XKR4: variants seen among roughly 807,000 people sequenced by gnomAD.
XKR4 encodes the protein XK-related protein 4.
Under a neutral mutation model 53.9 loss-of-function variants are expected in XKR4, and 12 were observed. That is an observed-to-expected ratio of 0.22 (90% CI 0.14 to 0.36). XKR4 has a LOEUF of 0.36. Among genes scored for constraint, XKR4 ranks in the 10% least tolerant of loss-of-function variants. The pLI is 1.00. For missense variants in XKR4, 799 were observed against 859.5 expected (o/e 0.93, Z 0.88); for synonymous variants, 354 against 362.4 (o/e 0.98, Z 0.26).
chr8:55,141,755 A>G (rs1816707065), intron 1 of XKR4, among the ~76,000 whole-genome samples: 1 of 151,388 alleles, frequency 6.6e-6, no homozygotes, highest in Non-Finnish European at 1.5e-5. Context: ...AGTCCCTAAA[A>G]CAGCTTGACA....
At chr8:55,323,495 G>GATTTGAT (rs1803247839) in intron 1 of XKR4, among the ~76,000 whole-genome samples, 1 of 152,166 alleles carries the variant, frequency 6.6e-6, no homozygotes, top group African/African-American at 2.4e-5. Flanking sequence ...TGAGATTTGA[G>GATTTGAT]ATTTAGCCAT....
intron 1 of XKR4, among the ~76,000 whole-genome samples, chr8:55,302,110 A>C (rs1179680491): frequency 3.3e-5 from 5 of 151,998 alleles, no homozygotes; most frequent in Admixed American, 2.6e-4. Context: ...GTTTTCTTCT[A>C]GGGTTTTTAT....
chr8:55,379,279 G>C (rs2622553), intron 2 of XKR4, among the ~76,000 whole-genome samples: 80,773 of 151,944 alleles, frequency 0.53, 22,010 homozygotes, highest in Middle Eastern at 0.6. Context: ...CTCATCAATT[G>C]TGCATCAAAT....
In XKR4 at chr8:55,181,462, T is replaced by A. The variant is rs566499461; in HGVS notation, c.806+78168T>A. On this transcript the variant is annotated intron_variant, in intron 1 of 2. Coordinates refer to ENST00000327381, the MANE Select transcript of XKR4 (RefSeq NM_052898.2). The stretch of plus-strand genomic sequence containing the variant: ...TTTACTGTCCTCCTTCCTTTCATCC[T>A]TCCAGAAACATGTATTATTTTTATT... Among the ~76,000 whole-genome samples the A allele has an allele frequency of 5.3e-5, 8 of 152,322 alleles. No homozygotes were observed. The East Asian group carries it at 1.5e-3, about 29-fold the overall frequency.
chr8:55,450,904 T>G, intron 2 of XKR4: 1 of 478,704 alleles, frequency 2.1e-6, no homozygotes. Context: ...TGCAGCAGCT[T>G]GTGGATCTGA....
rs181401591 is a variant in XKR4, at chr8:55,236,303, G to C, written c.807-121375G>C. Among the ~76,000 whole-genome samples the C allele has an allele frequency of 3.9e-5, 6 of 152,302 alleles. No homozygotes were observed. The East Asian group carries it at 1.2e-3, about 29-fold the overall frequency. On this transcript the variant is annotated intron_variant, in intron 1 of 2. Transcript: ENST00000327381. Reference sequence around the variant, plus strand: ...TGGTATTAAAGGGAGGCCTCATGAGGCTGCATACAGTCCAGCCCTGGCCTG... The same window carrying C: ...TGGTATTAAAGGGAGGCCTCATGAGCCTGCATACAGTCCAGCCCTGGCCTG...
At chr8:55,473,207 T>A (rs567804064) in intron 2 of XKR4, among the ~76,000 whole-genome samples, 1 of 152,224 alleles carries the variant, frequency 6.6e-6, no homozygotes, top group South Asian at 2.1e-4. Context: ...AAAAATACCT[T>A]CTGTATAGTT....
At chr8:55,383,913 G>A (rs1804271005) in intron 2 of XKR4, among the ~76,000 whole-genome samples, 2 of 151,866 alleles carry the variant, frequency 1.3e-5, no homozygotes, top group African/African-American at 4.8e-5. Context: ...TACACAATAC[G>A]GCAAATCATG....
intron 1 of XKR4, among the ~76,000 whole-genome samples, chr8:55,257,144 A>G (rs1053714911): frequency 2.6e-5 from 4 of 152,198 alleles, no homozygotes; most frequent in African/African-American, 7.2e-5. Context: ...CATTCAGACC[A>G]TGCACACAGC....
intron 1 of XKR4, among the ~76,000 whole-genome samples, chr8:55,250,148 G>A (rs946243745): frequency 1.3e-5 from 2 of 152,186 alleles, no homozygotes; most frequent in Non-Finnish European, 2.9e-5. Context: ...TTAGGTTCCT[G>A]ATGGTTTCAC....
rs1042345873 is a variant in XKR4 at position 55,531,638 on chromosome 8, A to G, written c.*7411A>G. 1.1e-4 allele frequency: 17 copies of G among 152,214 alleles called. No individual in the cohort carries two copies. Among genetic ancestry groups the G allele is most frequent in the Admixed American group, 1.1e-3 (17 of 15,282 alleles). The allele number at this position is 152,214 out of a possible 1,614,324, so 9.4% of individuals were successfully genotyped here. ...AAAAATTGAAATACTCTCTTGGTGC[A>G]TAGTATTTGATTGAAAACAATCATT... On this transcript the variant is annotated 3_prime_UTR_variant, in exon 3 of 3. Transcript: ENST00000327381.
chr8:55,244,897 A>AT (rs148385384), intron 1 of XKR4, among the ~76,000 whole-genome samples: 1,733 of 110,782 alleles, frequency 0.016, 56 homozygotes, highest in African/African-American at 0.053. Context: ...CTTTGCCAAC[A>AT]TTTTTTTTTT....
chr8:55,284,156 G>A (rs1469168850), intron 1 of XKR4, among the ~76,000 whole-genome samples: 1 of 152,072 alleles, frequency 6.6e-6, no homozygotes, highest in African/African-American at 2.4e-5. Flanking sequence ...CAAGGTGTTA[G>A]GTTTCTTTGT....
At chr8:55,235,035 T>C (rs1818100017) in intron 1 of XKR4, among the ~76,000 whole-genome samples, 1 of 152,204 alleles carries the variant, frequency 6.6e-6, no homozygotes, top group Non-Finnish European at 1.5e-5. Flanking sequence ...CTTTCACAGC[T>C]CAGGAGGCCA....
chr8:55,333,108 G>C (rs189992554), intron 1 of XKR4, among the ~76,000 whole-genome samples: 1 of 152,034 alleles, frequency 6.6e-6, no homozygotes, highest in African/African-American at 2.4e-5. Flanking sequence ...TAATTTTGTT[G>C]ATACATTGTT....
chr8:55,217,299 C>T (rs1817816835), intron 1 of XKR4, among the ~76,000 whole-genome samples: 1 of 149,982 alleles, frequency 6.7e-6, no homozygotes, highest in African/African-American at 2.4e-5. Flanking sequence ...AAATAAATGG[C>T]TGGTAAACAT....
intron 1 of XKR4, among the ~76,000 whole-genome samples, chr8:55,194,990 A>T (rs1351903237): frequency 6.6e-6 from 1 of 152,236 alleles, no homozygotes; most frequent in Non-Finnish European, 1.5e-5. Flanking sequence ...TAATTTGGAA[A>T]GAGTACAGTG....
chr8:55,410,415 CCTCA>C (rs969692249), intron 2 of XKR4, among the ~76,000 whole-genome samples: 11 of 152,176 alleles, frequency 7.2e-5, no homozygotes, highest in African/African-American at 2.7e-4. Flanking sequence ...CCTGCAGGAG[CCTCA>C]CACATGTACA....
intron 2 of XKR4, among the ~76,000 whole-genome samples, chr8:55,515,083 C>T (rs1201496589): frequency 3.9e-5 from 6 of 152,208 alleles, no homozygotes; most frequent in Admixed American, 1.3e-4. Flanking sequence ...CCAACAACTT[C>T]CTCCAACTCT....
Sources: allele counts gnomAD v4.1 joint callset (sites outside exome capture counted in the v4.1 genomes callset), GRCh38; gene constraint gnomAD v4.1.1; transcripts MANE v1.5; gene names NCBI Gene and HGNC (gene_info 2026-07-23, HGNC 2026-07-21).